Variants in HAUS7 observed in about 807,000 individuals in gnomAD.
HAUS7 encodes HAUS augmin-like complex subunit 7.
HAUS7 carries 3 observed loss-of-function variants against 28.4 expected under a neutral mutation model. The ratio of observed to expected loss-of-function variants is 0.11; its 90% CI spans 0.05 to 0.27. The LOEUF (loss-of-function observed/expected upper bound fraction) is 0.27, where lower values mean the gene tolerates loss of function less well. HAUS7 is among the 10% of genes least tolerant of loss of function. The pLI is 1.00. For missense variants in HAUS7, 284 were observed against 297.3 expected (o/e 0.96, Z 0.33); for synonymous variants, 165 against 132.1 (o/e 1.25, Z -1.71).
intron 3 of HAUS7, among the ~76,000 whole-genome samples, chrX:153,463,277 G>C (rs782464601): frequency 8.9e-6 from 1 of 111,852 alleles, no homozygotes; most frequent in African/African-American, 3.3e-5. Context: ...AGGGTTTGTT[G>C]CAAGAAGTAA....
chrX:153,448,944 G>A (rs931677695), intron 9 of HAUS7, among the ~76,000 whole-genome samples: 1 of 112,020 alleles, frequency 8.9e-6, no homozygotes, highest in South Asian at 3.8e-4. Flanking sequence ...TCAGTGGCAC[G>A]TTCAGTATTA....
At chrX:153,487,004 T>C (rs1360881969) in intron 1 of HAUS7, 2 of 288,559 alleles carry the variant, frequency 6.9e-6, no homozygotes, top group Admixed American at 1.0e-4. Context: ...GTGGCACTGG[T>C]TTGTACTTGA....
At position 153,454,454 on chromosome X, in the gene HAUS7, C is replaced by T. The variant is rs781988163; in HGVS notation, c.985G>A (p.Val329Met). Residue 329 changes from valine (V) to methionine (M), a missense_variant, in exon 9 of 10, where the codon GTG (valine) becomes ATG (methionine). Coordinates refer to ENST00000370211, the MANE Select transcript of HAUS7 (RefSeq NM_001385482.1). ...ADTSAKAVET[V>M]KKQQGEQICW... ...ATCTGCTCGCCTTGCTGCTTCTTCA[C>T]GGTCTCCACGGCCTTCGCAGAGGTG... 5.2e-6 allele frequency: 6 copies of T among 1,143,970 alleles called. No homozygotes were observed. Among genetic ancestry groups the T allele is most frequent in the Middle Eastern group, 2.5e-4 (1 of 3,946 alleles). 94.3% of individuals were successfully genotyped at this position (1,143,970 alleles called of 1,213,427 possible).
At position 153,468,335 on chromosome X, in the gene HAUS7, G is replaced by A. The variant is rs1193163375; in HGVS notation, c.224+811C>T. 2.4e-4 allele frequency among the ~76,000 whole-genome samples: 27 copies of A among 112,405 alleles called. No homozygotes were observed. The Admixed American group carries it at 2.4e-3, about 10-fold the overall frequency. ...GGGGGAGGCCCGGGCCTGGACTCAC[G>A]AGAGGCTCCTGTACCAACAGACTAC... On this transcript the variant is annotated intron_variant, in intron 2 of 9. Coordinates refer to ENST00000370211, the MANE Select transcript of HAUS7 (RefSeq NM_001385482.1).
upstream of HAUS7, among the ~76,000 whole-genome samples, chrX:153,471,969 G>C (rs782688445): frequency 8.9e-6 from 1 of 111,845 alleles, no homozygotes; most frequent in African/African-American, 3.3e-5. Context: ...CCTCTTTTTT[G>C]TTTTTGTTTT....
At chrX:153,454,901 G>A (rs572536247) in intron 8 of HAUS7, 1 of 1,036,553 alleles carries the variant, frequency 9.6e-7, no homozygotes, top group Admixed American at 2.5e-5. Context: ...GGGTCTCACA[G>A]GACCAGCCAG....
intron 9 of HAUS7, among the ~76,000 whole-genome samples, chrX:153,449,717 T>C (rs183060518): frequency 1.1e-3 from 127 of 112,298 alleles, no homozygotes; most frequent in African/African-American, 3.9e-3. Flanking sequence ...CCATCTACCC[T>C]GTGCTCGGCG....
upstream of HAUS7, chrX:153,470,708 G>C (rs1458656554): frequency 3.5e-6 from 3 of 852,037 alleles, no homozygotes; most frequent in East Asian, 1.0e-4. Flanking sequence ...CCGCCTGCGC[G>C]GGCCCCGGGC....
At chrX:153,457,900 G>A (rs2089336343) in intron 4 of HAUS7, among the ~76,000 whole-genome samples, 1 of 113,440 alleles carries the variant, frequency 8.8e-6, no homozygotes, top group South Asian at 3.5e-4. Flanking sequence ...GCCTGCTCCA[G>A]AAAGCCCCCA....
At chrX:153,459,683 C>A (rs1294470337) in intron 4 of HAUS7, among the ~76,000 whole-genome samples, 1 of 111,865 alleles carries the variant, frequency 8.9e-6, no homozygotes, top group South Asian at 3.7e-4. Flanking sequence ...ATTTTCAGGG[C>A]ACAAGATAAG....
chrX:153,470,619 A>G, upstream of HAUS7: 4 of 1,185,667 alleles, frequency 3.4e-6, no homozygotes, highest in Non-Finnish European at 4.5e-6. Context: ...AAGACCGCCA[A>G]TCAACCTCCA....
At chrX:153,448,938 T>C (rs782606326) in intron 9 of HAUS7, among the ~76,000 whole-genome samples, 1 of 112,656 alleles carries the variant, frequency 8.9e-6, no homozygotes, top group Non-Finnish European at 1.9e-5. Context: ...CTGACTTCAG[T>C]GGCACGTTCA....
intron 1 of HAUS7, chrX:153,482,514 C>T (rs1012438685): frequency 1.3e-6 from 1 of 751,249 alleles, no homozygotes; most frequent in African/African-American, 2.3e-5. Flanking sequence ...GCAGGTGCCC[C>T]ACCCCCAGGA....
intron 9 of HAUS7, among the ~76,000 whole-genome samples, chrX:153,451,280 T>C (rs1394187311): frequency 2.7e-5 from 3 of 112,602 alleles, no homozygotes; most frequent in Non-Finnish European, 5.6e-5. Context: ...CAGTCACAGG[T>C]GAGATGGCAC....
At chrX:153,477,649 G>A (rs782406391) in intron 1 of HAUS7, among the ~76,000 whole-genome samples, 1 of 112,838 alleles carries the variant, frequency 8.9e-6, no homozygotes, top group South Asian at 3.7e-4. Context: ...GCTGCCCCCA[G>A]GCAGGACACT....
At chrX:153,448,581 CAAAT>C (rs1161931636) in intron 9 of HAUS7, among the ~76,000 whole-genome samples, 8 of 110,558 alleles carry the variant, frequency 7.2e-5, no homozygotes, top group Non-Finnish European at 1.3e-4. Context: ...ATAAAATAAA[CAAAT>C]AAATAAATAG....
intron 3 of HAUS7, among the ~76,000 whole-genome samples, chrX:153,464,228 G>T (rs2980035): frequency 9.0e-6 from 1 of 111,317 alleles, no homozygotes; most frequent in Non-Finnish European, 1.9e-5. Context: ...GGCTGGGCTG[G>T]GTCGGGTCAC....
At chrX:153,492,563 C>A (rs782289488) in intron 1 of HAUS7, among the ~76,000 whole-genome samples, 1 of 112,149 alleles carries the variant, frequency 8.9e-6, no homozygotes, top group African/African-American at 3.2e-5. Flanking sequence ...CAGCCCCCAA[C>A]TTCAGGTAAG....
At chrX:153,470,410 C>T in intron 1 of HAUS7, 40 bp downstream of exon 1, 1 of 1,189,030 alleles carries the variant, frequency 8.4e-7, no homozygotes, top group Non-Finnish European at 1.1e-6. Flanking sequence ...GGGCCCTCCC[C>T]GGTCCCCCGC....
Sources: gnomAD v4.1 joint callset for allele counts (sites outside exome capture counted in the v4.1 genomes callset) on GRCh38, gnomAD v4.1.1 for gene constraint, MANE v1.5 for transcripts, NCBI Gene and HGNC (gene_info 2026-07-23, HGNC 2026-07-21) for gene names.